The following ARHGAP26 variants were observed in gnomAD, a reference collection of about 807,000 sequenced individuals.
ARHGAP26 encodes rho GTPase-activating protein 26.
In ARHGAP26, 38 loss-of-function variants were observed where a neutral mutation model predicts 104.8. The ratio of observed to expected loss-of-function variants is 0.36; its 90% CI spans 0.28 to 0.48. The LOEUF (loss-of-function observed/expected upper bound fraction) is 0.48, where lower values mean the gene tolerates loss of function less well. ARHGAP26 is among the 20% of genes least tolerant of loss of function. The probability of loss-of-function intolerance (pLI) is 0.99; values close to 1 mark genes in which losing one functional copy is unlikely to be tolerated. For synonymous variants in ARHGAP26, 341 were observed against 340.0 expected (o/e 1.00, Z -0.03); for missense variants, 704 against 947.9 (o/e 0.74, Z 3.38).
rs1009283951 is a variant in ARHGAP26 at position 142,900,850 on chromosome 5, A to G, written c.598-1085A>G. ...TTGGAATAAGGTGGTATGGCAGGTC[A>G]GGGAGGTCAGAGTGGACCCCTCAGA... On this transcript the variant is annotated intron_variant, in intron 6 of 22. Coordinates refer to ENST00000645722, the MANE Select transcript of ARHGAP26 (RefSeq NM_001135608.3). 2.6e-4 allele frequency among the ~76,000 whole-genome samples: 39 copies of G among 152,328 alleles called. No individual in the cohort carries two copies. In the Middle Eastern group the frequency reaches 0.01, roughly 40 times the overall value.
intron 1 of ARHGAP26, among the ~76,000 whole-genome samples, chr5:142,831,356 C>T (rs1242941024): frequency 1.3e-5 from 2 of 152,032 alleles, no homozygotes; most frequent in East Asian, 1.9e-4. Flanking sequence ...CTTTCCTCAT[C>T]TCCTTTCCTT....
chr5:143,110,607 G>A (rs1019124111), intron 17 of ARHGAP26, among the ~76,000 whole-genome samples: 2 of 152,104 alleles, frequency 1.3e-5, no homozygotes, highest in Non-Finnish European at 2.9e-5. Context: ...TTACCCTCTG[G>A]CATCTTTTTC....
At chr5:142,989,410 G>A (rs752824939) in intron 11 of ARHGAP26, among the ~76,000 whole-genome samples, 3 of 152,090 alleles carry the variant, frequency 2.0e-5, no homozygotes, top group Non-Finnish European at 4.4e-5. Context: ...GCACACTGAT[G>A]GGTCTTGACT....
intron 1 of ARHGAP26, among the ~76,000 whole-genome samples, chr5:142,778,355 A>G (rs189683909): frequency 6.6e-6 from 1 of 152,246 alleles, no homozygotes; most frequent in South Asian, 2.1e-4. Context: ...CAAAGAGTAT[A>G]GACGTATACA....
intron 1 of ARHGAP26, among the ~76,000 whole-genome samples, chr5:142,834,983 T>G (rs1204260622): frequency 6.6e-6 from 1 of 152,222 alleles, no homozygotes; most frequent in Admixed American, 6.5e-5. Context: ...TGAGACTCTG[T>G]TCCACCTGGT....
At chr5:142,890,149 AAAATATAT>A (rs1433131617) in intron 5 of ARHGAP26, among the ~76,000 whole-genome samples, 38 of 66,684 alleles carry the variant, frequency 5.7e-4, no homozygotes, top group African/African-American at 5.5e-4. Flanking sequence ...AAAAAAAAAA[AAAATATAT>A]ATATATATAT....
At chr5:143,134,188 T>G in intron 19 of ARHGAP26, 83 bp downstream of exon 19, 1 of 1,438,762 alleles carries the variant, frequency 7.0e-7, no homozygotes, top group Non-Finnish European at 9.2e-7. Flanking sequence ...CACTTCCAGC[T>G]TTTCTCTGTG....
chr5:143,211,049 T>TGCCAACAGGATTTGTC (rs1599536994), intron 21 of ARHGAP26, among the ~76,000 whole-genome samples: 1 of 152,236 alleles, frequency 6.6e-6, no homozygotes, highest in East Asian at 1.9e-4. Context: ...ACAATCTCTC[T>TGCCAACAGGATTTGTC]GCCAACAGGA....
intron 1 of ARHGAP26, among the ~76,000 whole-genome samples, chr5:142,830,930 T>C (rs986862382): frequency 2.6e-5 from 4 of 152,236 alleles, no homozygotes; most frequent in African/African-American, 9.6e-5. Flanking sequence ...GTATGTTTTT[T>C]CAGACAGGCA....
rs897299546 is a variant in ARHGAP26, at chr5:143,055,960, G to A, written c.1374-68G>A. On this transcript the variant is annotated intron_variant, in intron 15 of 22. Transcript: ENST00000645722. ...TGTATTACAGTTTGTCAGTCTCTAG[G>A]CTGCTATTTAGAGAGAATATGATTA... 1.2e-4 allele frequency: 130 copies of A among 1,094,530 alleles called. 1 individual carries two copies. The highest frequency in any genetic ancestry group is 7.9e-4 in the South Asian group (57 of 71,924). The allele number at this position is 1,094,530 out of a possible 1,614,324, so 67.8% of individuals were successfully genotyped here.
intron 1 of ARHGAP26, among the ~76,000 whole-genome samples, chr5:142,824,063 A>C (rs141501740): frequency 1.6e-3 from 242 of 152,246 alleles, no homozygotes; most frequent in Middle Eastern, 3.4e-3. Flanking sequence ...ACATTTGGGG[A>C]CCAGCTCCAC....
chr5:142,913,637 G>T (rs153167), intron 10 of ARHGAP26, among the ~76,000 whole-genome samples: 2 of 151,990 alleles, frequency 1.3e-5, no homozygotes, highest in Admixed American at 6.5e-5. Flanking sequence ...TTAAAGAAAA[G>T]TATTTAGCAT....
chr5:143,084,916 G>A lies in ARHGAP26; in HGVS notation c.1538+27169G>A, dbSNP rs371076377. ...AAAAATTAGCTGGGCGTGGTGGCGCGTGCCTGTAATCCCAGCTACTCAGGA... is the reference window on the plus strand; with the variant it reads ...AAAAATTAGCTGGGCGTGGTGGCGCATGCCTGTAATCCCAGCTACTCAGGA... On this transcript the variant is annotated intron_variant, in intron 17 of 22. Transcript: ENST00000645722. Among the ~76,000 whole-genome samples, 189 of 151,922 alleles carry A rather than the reference G, an allele frequency of 1.2e-3. 1 individual carries two copies. Among genetic ancestry groups the A allele is most frequent in the African/African-American group, 4.4e-3 (181 of 41,432 alleles).
Position 143,208,826 on chromosome 5 carries a change from T to TC in ARHGAP26, c.2099+1519dup, listed in dbSNP as rs1318901170. ...GGAGATTTTCAGTAATTCTTTTTTT[T>TC]CTCACTCTATAAATAAGGGAAATTT... On this transcript the variant is annotated intron_variant, in intron 21 of 22. Transcript: ENST00000645722. Among the ~76,000 whole-genome samples the TC allele has an allele frequency of 2.8e-4, 42 of 152,354 alleles. 2 individuals carry two copies. Among genetic ancestry groups the TC allele is most frequent in the African/African-American group, 8.9e-4 (37 of 41,582 alleles).
At chr5:143,075,413 A>G (rs1788853683) in intron 17 of ARHGAP26, among the ~76,000 whole-genome samples, 1 of 151,614 alleles carries the variant, frequency 6.6e-6, no homozygotes, top group Non-Finnish European at 1.5e-5. Flanking sequence ...AGCAATTTTC[A>G]TTTGCTTTTA....
intron 1 of ARHGAP26, among the ~76,000 whole-genome samples, chr5:142,799,001 C>T (rs1761526923): frequency 6.6e-6 from 1 of 152,122 alleles, no homozygotes; most frequent in African/African-American, 2.4e-5. Context: ...TGGAAACAGC[C>T]CTGTTTAGGT....
chr5:143,099,731 C>T (rs898847155), intron 17 of ARHGAP26, among the ~76,000 whole-genome samples: 1 of 152,132 alleles, frequency 6.6e-6, no homozygotes, highest in Non-Finnish European at 1.5e-5. Flanking sequence ...CCACCATTAG[C>T]TAGAGTGGTG....
intron 20 of ARHGAP26, among the ~76,000 whole-genome samples, chr5:143,185,219 A>C (rs1379929690): frequency 6.6e-6 from 1 of 152,250 alleles, no homozygotes; most frequent in East Asian, 1.9e-4. Context: ...ATTTTAATGC[A>C]CAAGATGAAA....
intron 10 of ARHGAP26, among the ~76,000 whole-genome samples, chr5:142,929,431 G>A (rs1339009609): frequency 6.6e-6 from 1 of 152,096 alleles, no homozygotes; most frequent in African/African-American, 2.4e-5. Flanking sequence ...TTGTTTTGAG[G>A]GATAGTTGTT....
Sources: gnomAD v4.1 joint callset for allele counts (sites outside exome capture counted in the v4.1 genomes callset) on GRCh38, gnomAD v4.1.1 for gene constraint, MANE v1.5 for transcripts, NCBI Gene and HGNC (gene_info 2026-07-23, HGNC 2026-07-21) for gene names.